MSI2: variants seen among roughly 807,000 people sequenced by gnomAD.
The protein encoded by MSI2 is musashi RNA binding protein 2.
MSI2 carries 17 observed loss-of-function variants against 45.6 expected under a neutral mutation model. That is an observed-to-expected ratio of 0.37 (90% confidence interval 0.26 to 0.56). The LOEUF is 0.56. MSI2 is among the 20% of genes least tolerant of loss of function. The probability of loss-of-function intolerance (pLI) is 0.77; values close to 1 mark genes in which losing one functional copy is unlikely to be tolerated. For missense variants in MSI2, 293 were observed against 444.2 expected (o/e 0.66, Z 3.06); for synonymous variants, 156 against 158.2 (o/e 0.99, Z 0.11).
intron 11 of MSI2, among the ~76,000 whole-genome samples, chr17:57,667,528 T>C (rs1017290345): frequency 6.6e-6 from 1 of 152,226 alleles, no homozygotes; most frequent in South Asian, 2.1e-4. Flanking sequence ...AGGAGTGATA[T>C]CCAGTCACCG....
At chr17:57,354,614 G>T (rs527962159) in intron 5 of MSI2, among the ~76,000 whole-genome samples, 5 of 152,120 alleles carry the variant, frequency 3.3e-5, no homozygotes, top group Admixed American at 6.5e-5. Context: ...AGCAGCAGAG[G>T]CAACATCTTG....
chr17:57,635,171 T>C (rs1247740287), intron 10 of MSI2, among the ~76,000 whole-genome samples: 1 of 152,234 alleles, frequency 6.6e-6, no homozygotes, highest in Non-Finnish European at 1.5e-5. Flanking sequence ...CACAGGGAGC[T>C]TGCAGAAGCA....
At chr17:57,466,101 G>A (rs1173044284) in intron 6 of MSI2, among the ~76,000 whole-genome samples, 1 of 152,206 alleles carries the variant, frequency 6.6e-6, no homozygotes, top group Non-Finnish European at 1.5e-5. Context: ...TGTGAAGGGT[G>A]TTGCTCACCG....
At chr17:57,503,131 A>G (rs1447262500) in intron 6 of MSI2, among the ~76,000 whole-genome samples, 1 of 152,166 alleles carries the variant, frequency 6.6e-6, no homozygotes. Flanking sequence ...AAGCTGTCAT[A>G]TAAATCACAG....
chr17:57,504,995 A>C (rs2086196921), intron 6 of MSI2, among the ~76,000 whole-genome samples: 1 of 151,846 alleles, frequency 6.6e-6, no homozygotes, highest in African/African-American at 2.4e-5. Flanking sequence ...CAAAGGAAGA[A>C]ATAATAGAAT....
chr17:57,595,713 C>T (rs1218718175), intron 7 of MSI2, among the ~76,000 whole-genome samples: 2 of 151,050 alleles, frequency 1.3e-5, no homozygotes, highest in Non-Finnish European at 2.9e-5. Flanking sequence ...TGGATTTCAA[C>T]ATGAATCTGG....
At chr17:57,369,063 A>G (rs1022235719) in intron 5 of MSI2, among the ~76,000 whole-genome samples, 1 of 152,130 alleles carries the variant, frequency 6.6e-6, no homozygotes, top group African/African-American at 2.4e-5. Context: ...GGTGAGGTTT[A>G]TGGAAATACT....
intron 7 of MSI2, among the ~76,000 whole-genome samples, chr17:57,563,721 T>C (rs376502756): frequency 0.039 from 3,893 of 100,800 alleles, 190 homozygotes; most frequent in African/African-American, 0.13. Flanking sequence ...CTCTCTCTCT[T>C]TCCCTCTCAC....
intron 5 of MSI2, among the ~76,000 whole-genome samples, chr17:57,271,506 G>T (rs1354091796): frequency 6.6e-6 from 1 of 152,096 alleles, no homozygotes; most frequent in African/African-American, 2.4e-5. Context: ...TAATAAAATG[G>T]TCTTGATGAT....
chr17:57,529,658 T>C lies in MSI2; in HGVS notation c.406-18T>C. ...TTAAAATTCCTAAGGCAGCCTGTAT[T>C]CTATATTTGTTTTGCAGGTGGAAGA... On this transcript the variant is annotated intron_variant, in intron 6 of 13. Transcript: ENST00000284073. This position sits in a 1 kb window ranked among gnomAD's most constrained non-coding sequence, Gnocchi z 5.3. 6.2e-7 allele frequency: 1 copy of C among 1,611,684 alleles called. No homozygotes were observed. The highest frequency in any genetic ancestry group is 8.5e-7 in the Non-Finnish European group (1 of 1,178,984).
chr17:57,553,553 A>T (rs141100977), intron 7 of MSI2, among the ~76,000 whole-genome samples: 31 of 152,296 alleles, frequency 2.0e-4, no homozygotes, highest in African/African-American at 7.2e-4. Context: ...GCTGAGGCTA[A>T]GGAGATGGGG....
At chr17:57,604,925 C>T (rs530242216) in intron 8 of MSI2, among the ~76,000 whole-genome samples, 57 of 144,922 alleles carry the variant, frequency 3.9e-4, no homozygotes, top group African/African-American at 1.3e-3. Flanking sequence ...ACAACTCAGT[C>T]GGGAACCAGC....
At chr17:57,640,923 G>C (rs138481266) in intron 10 of MSI2, among the ~76,000 whole-genome samples, 276 of 152,318 alleles carry the variant, frequency 1.8e-3, no homozygotes, top group African/African-American at 6.1e-3. Flanking sequence ...TTTTACAGGT[G>C]AGGAAAGTAA....
At chr17:57,623,140 G>A (rs546684292) in intron 9 of MSI2, among the ~76,000 whole-genome samples, 28 of 152,264 alleles carry the variant, frequency 1.8e-4, no homozygotes, top group African/African-American at 3.1e-4. Flanking sequence ...TTTAGCCTTC[G>A]CGTCCTTGCC....
intron 5 of MSI2, among the ~76,000 whole-genome samples, chr17:57,301,990 A>G (rs1911455040): frequency 6.6e-6 from 1 of 152,082 alleles, no homozygotes; most frequent in Non-Finnish European, 1.5e-5. Flanking sequence ...ATCCTTATAG[A>G]CAGTTGTTAT....
chr17:57,550,296 C>G (rs1465014755), intron 7 of MSI2, among the ~76,000 whole-genome samples: 2 of 152,126 alleles, frequency 1.3e-5, no homozygotes, highest in African/African-American at 2.4e-5. Context: ...GGACAGCATC[C>G]CAGGCGACCT....
At chr17:57,427,548 T>G (rs1480318013) in intron 6 of MSI2, among the ~76,000 whole-genome samples, 1 of 152,182 alleles carries the variant, frequency 6.6e-6, no homozygotes, top group Non-Finnish European at 1.5e-5. Flanking sequence ...ATGAAATGTA[T>G]AAAACCACCT....
intron 7 of MSI2, among the ~76,000 whole-genome samples, chr17:57,554,246 G>GA (rs2087378015): frequency 2.0e-5 from 3 of 151,076 alleles, no homozygotes; most frequent in Non-Finnish European, 4.4e-5. Flanking sequence ...GGAGGGGGGG[G>GA]ATGGTTCTTA....
intron 7 of MSI2, among the ~76,000 whole-genome samples, chr17:57,580,320 A>G (rs1157410395): frequency 6.6e-6 from 1 of 152,216 alleles, no homozygotes; most frequent in Non-Finnish European, 1.5e-5. Context: ...CTGAGGCAGC[A>G]TCTGTTTGCA....
Sources: allele counts gnomAD v4.1 joint callset (sites outside exome capture counted in the v4.1 genomes callset), GRCh38; gene constraint gnomAD v4.1.1; non-coding constraint Gnocchi (gnomAD v3.1); transcripts MANE v1.5; gene names NCBI Gene and HGNC (gene_info 2026-07-23, HGNC 2026-07-21).